Variants in SPATA31G1 observed in about 807,000 individuals in gnomAD.
The protein encoded by SPATA31G1 is spermatogenesis-associated protein 31G1.
chr9:35,045,778 C>T, the SPATA31G1 span: 16 of 1,614,102 alleles, frequency 9.9e-6, no homozygotes, highest in Middle Eastern at 1.6e-4. Flanking sequence ...TCCTTCCCTA[C>T]CCTCAAGGCT....
At chr9:35,042,280 T>C in the SPATA31G1 span, 15 of 1,614,006 alleles carry the variant, frequency 9.3e-6, no homozygotes, top group African/African-American at 1.3e-5. Context: ...GAGGACCTGC[T>C]TGGGGCTAAG....
chr9:35,045,323 C>T, the SPATA31G1 span: 1 of 1,614,036 alleles, frequency 6.2e-7, no homozygotes, highest in Non-Finnish European at 8.5e-7. Flanking sequence ...TGAGCCAGGT[C>T]CCATCCCAAG....
chr9:35,042,090 C>T, the SPATA31G1 span: 4 of 1,065,334 alleles, frequency 3.8e-6, no homozygotes, highest in Non-Finnish European at 5.3e-6. Flanking sequence ...AAGGGGATCA[C>T]CCACATTTCA....
At chr9:35,045,641 T>A in the SPATA31G1 span, 4 of 1,614,020 alleles carry the variant, frequency 2.5e-6, no homozygotes, top group Non-Finnish European at 3.4e-6. Context: ...ACACTGCTCT[T>A]CCCCAGCTGC....
chr9:35,045,171 CAAG>C, the SPATA31G1 span: 1 of 1,614,166 alleles, frequency 6.2e-7, no homozygotes, highest in East Asian at 2.2e-5. Flanking sequence ...TTGTCATCCT[CAAG>C]AAGTTCAGCG....
the SPATA31G1 span, chr9:35,045,355 C>T: frequency 1.2e-6 from 2 of 1,614,060 alleles, no homozygotes; most frequent in Non-Finnish European, 1.7e-6. Context: ...CACATGGAGG[C>T]TGGTGTGGAC....
the SPATA31G1 span, chr9:35,045,218 T>TCA: frequency 1.2e-6 from 2 of 1,614,064 alleles, no homozygotes; most frequent in Non-Finnish European, 1.7e-6. Context: ...CCTCCCACTG[T>TCA]CATCACTTCC....
chr9:35,043,290 A>T, the SPATA31G1 span: 1 of 1,614,070 alleles, frequency 6.2e-7, no homozygotes, highest in Non-Finnish European at 8.5e-7. Flanking sequence ...CTCTCCTCTG[A>T]AGTGGTCTGT....
the SPATA31G1 span, chr9:35,042,133 A>AT: frequency 2.8e-6 from 4 of 1,437,104 alleles, no homozygotes; most frequent in African/African-American, 1.4e-5. Context: ...GATAGAGGAA[A>AT]TTTTTTTTGG....
At chr9:35,043,103 G>A in the SPATA31G1 span, 2 of 1,614,184 alleles carry the variant, frequency 1.2e-6, no homozygotes, top group Non-Finnish European at 1.7e-6. Context: ...AAACAGTCAT[G>A]CAGCCCGTGA....
chr9:35,045,419 C>T, the SPATA31G1 span: 5 of 1,614,098 alleles, frequency 3.1e-6, no homozygotes, highest in African/African-American at 1.3e-5. Flanking sequence ...TGGTCTCAGG[C>T]AAGAGAAAGG....
the SPATA31G1 span, chr9:35,044,461 T>C: frequency 6.2e-7 from 1 of 1,614,170 alleles, no homozygotes; most frequent in Non-Finnish European, 8.5e-7. Context: ...CCCCAAGACC[T>C]GCATGGAGCC....
At chr9:35,042,141 T>G in the SPATA31G1 span, 2 of 1,453,010 alleles carry the variant, frequency 1.4e-6, no homozygotes, top group East Asian at 2.5e-5. Flanking sequence ...AAATTTTTTT[T>G]GGTTCTAAAT....
the SPATA31G1 span, chr9:35,043,655 C>G: frequency 6.2e-7 from 1 of 1,614,232 alleles, no homozygotes; most frequent in African/African-American, 1.3e-5. Flanking sequence ...CGATGCCACC[C>G]CCCTGCCAAT....
At chr9:35,045,322 T>C in the SPATA31G1 span, 4 of 1,613,956 alleles carry the variant, frequency 2.5e-6, no homozygotes, top group Non-Finnish European at 3.4e-6. Flanking sequence ...GTGAGCCAGG[T>C]CCCATCCCAA....
At chr9:35,045,025 C>T in the SPATA31G1 span, 9 of 1,614,220 alleles carry the variant, frequency 5.6e-6, no homozygotes, top group Non-Finnish European at 5.9e-6. Context: ...CAGAGCCCTG[C>T]CTCCAGAGCC....
chr9:35,043,075 C>T, the SPATA31G1 span: 1 of 1,614,156 alleles, frequency 6.2e-7, no homozygotes, highest in Non-Finnish European at 8.5e-7. Flanking sequence ...CTCCTCAAGG[C>T]TATAGGGATA....
At chr9:35,044,937 C>T in the SPATA31G1 span, 1 of 1,614,128 alleles carries the variant, frequency 6.2e-7, no homozygotes, top group Non-Finnish European at 8.5e-7. Context: ...ATGGACTGTC[C>T]CAGAGTTGCT....
At chr9:35,045,154 C>T in the SPATA31G1 span, 1 of 1,614,198 alleles carries the variant, frequency 6.2e-7, no homozygotes. Context: ...TGCCCCCACT[C>T]TTCAAGTTGT....
Sources: gnomAD v4.1 joint callset for allele counts on GRCh38, gnomAD v4.1.1 for gene constraint, MANE v1.5 for transcripts, NCBI Gene and HGNC (gene_info 2026-07-23, HGNC 2026-07-21) for gene names.